The following CPS1 variants were observed in gnomAD, a reference collection of about 807,000 sequenced individuals.
CPS1 encodes the protein carbamoyl-phosphate synthase [ammonia], mitochondrial.
In CPS1, 109 loss-of-function variants were observed where a neutral mutation model predicts 174.6. The observed-to-expected ratio is 0.62, with a 90% CI of 0.53 to 0.73. CPS1 has a LOEUF of 0.73. Among genes scored for constraint, CPS1 ranks in the 30% least tolerant of loss-of-function variants. The pLI, the probability that CPS1 is intolerant of heterozygous loss-of-function variation, is 0.00. For synonymous variants in CPS1, 637 were observed against 632.0 expected (o/e 1.01, Z -0.12); for missense variants, 1,689 against 1,821.9 (o/e 0.93, Z 1.33).
chr2:210,576,158 A>G (rs889028052), intron 2 of CPS1, among the ~76,000 whole-genome samples, 188 bp from the exon 3 acceptor site: 1 of 152,184 alleles, frequency 6.6e-6, no homozygotes, highest in African/African-American at 2.4e-5. Flanking sequence ...TTTTCTTTAT[A>G]TCAATGACAT....
At chr2:210,511,346 A>G (rs1346561323) in intron 1 of CPS1, among the ~76,000 whole-genome samples, 3 of 152,096 alleles carry the variant, frequency 2.0e-5, no homozygotes, top group Admixed American at 6.6e-5. Flanking sequence ...ACACATGGAC[A>G]CAGGAAGGGG....
intron 1 of CPS1, among the ~76,000 whole-genome samples, chr2:210,483,509 T>C (rs1694632218): frequency 6.6e-6 from 1 of 152,148 alleles, no homozygotes; most frequent in African/African-American, 2.4e-5. Context: ...TGAGAGCCAA[T>C]ATGCTTAACC....
At position 210,579,786 on chromosome 2, in the gene CPS1, T is replaced by G. The variant is rs773091194; in HGVS notation, c.528+16T>G. The G allele has an allele frequency of 1.2e-6, 2 of 1,603,296 alleles. No individual in the cohort carries two copies. Among genetic ancestry groups the G allele is most frequent in the South Asian group, 2.2e-5 (2 of 90,878 alleles). ...TCGGGATAAGGTATAATCATCATCT[T>G]TAGCCAAATCTATGTTTCTTCGGGT... On this transcript the variant is annotated intron_variant, in intron 5 of 37. Transcript: ENST00000233072.
chr2:210,599,399 A>G lies in CPS1; in HGVS notation c.1387A>G (p.Asn463Asp). The G allele has an allele frequency of 6.2e-7, 1 of 1,612,386 alleles. No homozygotes were observed. The change falls in exon 14 of 38, where the codon AAC becomes GAC. Residue 463 changes from asparagine (N) to aspartate (D), a missense_variant. Transcript: ENST00000233072. ...AGAAAATGTCAAAACTGTTCTGATG[A>G]ACCCAAACATTGCATCAGTCCAGAC... ...KEENVKTVLM[N>D]PNIASVQTNE...
chr2:210,677,138 T>C lies in CPS1; in HGVS notation c.4404+2T>C. ...ATCCCTCTCCTCACTAATTTTCAGG[T>C]ATAGTCTTTTCCTTGGATATAGACT... On this transcript the variant is annotated splice_donor_variant, in intron 37 of 37. Coordinates refer to ENST00000233072, the MANE Select transcript of CPS1 (RefSeq NM_001875.5). LOFTEE classifies it high-confidence loss of function. 1 of 1,613,804 alleles carries C rather than the reference T, an allele frequency of 6.2e-7. No homozygotes were observed. Among genetic ancestry groups the C allele is most frequent in the Non-Finnish European group, 8.5e-7 (1 of 1,179,692 alleles).
intron 4 of CPS1, among the ~76,000 whole-genome samples, chr2:210,578,912 T>C (rs1421904861): frequency 1.3e-5 from 2 of 152,206 alleles, no homozygotes; most frequent in Non-Finnish European, 2.9e-5. Flanking sequence ...AGTTTTAGTG[T>C]AAGCCTAACC....
At chr2:210,611,577 C>T (rs777078045) in intron 19 of CPS1, among the ~76,000 whole-genome samples, 25 of 151,966 alleles carry the variant, frequency 1.6e-4, no homozygotes, top group African/African-American at 2.9e-4. Context: ...TCTCCTCCTA[C>T]GTTCAAAATC....
At chr2:210,672,415 G>A (rs1296604528) in intron 34 of CPS1, 2 of 152,004 alleles carry the variant, frequency 1.3e-5, no homozygotes, top group Non-Finnish European at 2.9e-5. Context: ...TTTAGCAGAG[G>A]GTCACAATGT....
intron 1 of CPS1, among the ~76,000 whole-genome samples, chr2:210,492,039 A>G (rs1208828007): frequency 6.6e-6 from 1 of 152,206 alleles, no homozygotes; most frequent in East Asian, 1.9e-4. Flanking sequence ...GCAGAAGCCG[A>G]CAAAGTTGAC....
chr2:210,624,938 C>T (rs1446486746), intron 21 of CPS1, among the ~76,000 whole-genome samples: 1 of 151,940 alleles, frequency 6.6e-6, no homozygotes. Flanking sequence ...ATAACACATA[C>T]TCAGAATATG....
chr2:210,501,762 TTCCTG>T lies in CPS1; in HGVS notation c.3+23999_3+24003del, dbSNP rs1695144919. The stretch of plus-strand genomic sequence containing the variant: ...AGGAAGTTCCAAACTTTCTCACATC[TTCCTG>T]TCTTCTTCTGAGCCCTCCAAACTGT... On this transcript the variant is annotated intron_variant, in intron 1 of 38. Transcript: ENST00000430249. Among the ~76,000 whole-genome samples the T allele has an allele frequency of 2.0e-5, 3 of 152,138 alleles. No individual in the cohort carries two copies. In the South Asian group the frequency reaches 6.2e-4, roughly 32 times the overall value.
intron 25 of CPS1, among the ~76,000 whole-genome samples, chr2:210,646,733 TTA>T (rs1161324573): frequency 2.0e-5 from 3 of 152,168 alleles, no homozygotes; most frequent in Non-Finnish European, 2.9e-5. Context: ...TATCCTAATT[TTA>T]TACACAAGAA....
chr2:210,492,897 C>A (rs1185717908), intron 1 of CPS1, among the ~76,000 whole-genome samples: 1 of 152,000 alleles, frequency 6.6e-6, no homozygotes. Flanking sequence ...TTCTTATTTA[C>A]ACATTATAAA....
At chr2:210,529,020 A>G (rs1696048340) in intron 1 of CPS1, among the ~76,000 whole-genome samples, 1 of 151,820 alleles carries the variant, frequency 6.6e-6, no homozygotes, top group Admixed American at 6.6e-5. Flanking sequence ...GTTTGGCTTT[A>G]TGCATATTTG....
At position 210,599,356 on chromosome 2, in the gene CPS1, C is replaced by T. The variant is rs1266903989; in HGVS notation, c.1360-16C>T. ...AGACCATATATTCATGTACTGGATT[C>T]TTTTGTTTCTTTCAGGAAGAAAATG... On this transcript the variant is annotated splice_polypyrimidine_tract_variant and intron_variant, in intron 13 of 37. Transcript: ENST00000233072. 1 of 1,610,576 alleles carries T rather than the reference C, an allele frequency of 6.2e-7. No homozygotes were observed. The highest frequency in any genetic ancestry group is 8.5e-7 in the Non-Finnish European group (1 of 1,177,534).
chr2:210,651,258 C>T (rs1319649614), intron 28 of CPS1, among the ~76,000 whole-genome samples: 1 of 151,942 alleles, frequency 6.6e-6, no homozygotes, highest in African/African-American at 2.4e-5. Flanking sequence ...GAATAAAGTG[C>T]GTGGACTGTT....
chr2:210,655,512 G>A (rs545722812), intron 29 of CPS1, among the ~76,000 whole-genome samples: 1 of 144,642 alleles, frequency 6.9e-6, no homozygotes, highest in Non-Finnish European at 1.6e-5. Flanking sequence ...GGGGTGGGGT[G>A]CCTGAGCTCA....
chr2:210,500,239 G>A (rs914051050), intron 1 of CPS1, among the ~76,000 whole-genome samples: 5 of 152,104 alleles, frequency 3.3e-5, no homozygotes, highest in Non-Finnish European at 5.9e-5. Flanking sequence ...TGAGATTTGG[G>A]TGGGGACACA....
At chr2:210,560,223 C>T (rs1394187039) in intron 1 of CPS1, among the ~76,000 whole-genome samples, 7 of 151,772 alleles carry the variant, frequency 4.6e-5, no homozygotes, top group Admixed American at 2.0e-4. Context: ...CTATTTCATT[C>T]ATTCATTCAT....
Sources: allele counts gnomAD v4.1 joint callset (sites outside exome capture counted in the v4.1 genomes callset), GRCh38; gene constraint gnomAD v4.1.1; transcripts MANE v1.5; gene names NCBI Gene and HGNC (gene_info 2026-07-23, HGNC 2026-07-21).